PDE6C: variants seen among roughly 807,000 people sequenced by gnomAD.
PDE6C encodes phosphodiesterase 6C.
In PDE6C, 75 loss-of-function variants were observed where a neutral mutation model predicts 113.1. The observed-to-expected ratio is 0.66, with a 90% CI of 0.55 to 0.80. The LOEUF (loss-of-function observed/expected upper bound fraction) is 0.80. Ranked by LOEUF, PDE6C falls within the 30% of genes least tolerant of loss-of-function variation. PDE6C has a pLI of 0.00. For missense variants in PDE6C, 912 were observed against 1,038.6 expected (o/e 0.88, Z 1.67); for synonymous variants, 375 against 363.7 (o/e 1.03, Z -0.35).
intron 4 of PDE6C, among the ~76,000 whole-genome samples, chr10:93,624,237 A>AT (rs556962087): frequency 6.6e-6 from 1 of 151,810 alleles, no homozygotes; most frequent in African/African-American, 2.4e-5. Flanking sequence ...TTATTTATAT[A>AT]TTTTTTCTTT....
Position 93,640,561 on chromosome 10 carries a change from G to T in PDE6C, c.1737+4G>T, listed in dbSNP as rs1259302392. 1.3e-6 allele frequency: 2 copies of T among 1,577,850 alleles called. No homozygotes were observed. Among genetic ancestry groups the T allele is most frequent in the Non-Finnish European group, 1.7e-6 (2 of 1,147,122 alleles). On this transcript the variant is annotated splice_donor_region_variant and intron_variant, in intron 13 of 21. Coordinates refer to ENST00000371447, the MANE Select transcript of PDE6C (RefSeq NM_006204.4). ...GACCATGTTTACTTTGCTGATGGTA[G>T]GTACAGAGGGCTGTAAATCCTTGTA...
At chr10:93,662,790 A>C (rs1399162831) in intron 20 of PDE6C, 147 bp downstream of exon 20, 2 of 672,828 alleles carry the variant, frequency 3.0e-6, no homozygotes, top group Non-Finnish European at 5.4e-6. Flanking sequence ...TTTTACCCTA[A>C]TCTCATTCAG....
At position 93,658,993 on chromosome 10, in the gene PDE6C, A is replaced by G; in HGVS notation, c.2129A>G (p.Lys710Arg). 1 of 1,605,976 alleles carries G rather than the reference A, an allele frequency of 6.2e-7. No homozygotes were observed. The highest frequency in any genetic ancestry group is 2.2e-5 in the East Asian group (1 of 44,756). Residue 710 changes from lysine to arginine, a missense_variant, in exon 17 of 22, where the codon AAG (lysine) becomes AGG (arginine). By Grantham distance (26) the Lys-to-Arg change is conservative (BLOSUM62 2). Transcript: ENST00000371447. Reference protein sequence around the residue: ...AIKYVTVDPTKKEIIMAMMMT... With the variant: ...AIKYVTVDPTRKEIIMAMMMT... ...AAATATGTAACTGTTGATCCAACCA[A>G]GAAAGAGATTATCATGTAGGTAGTT...
chr10:93,650,576 A>G (rs894194006), intron 15 of PDE6C, among the ~76,000 whole-genome samples: 3 of 152,212 alleles, frequency 2.0e-5, no homozygotes, highest in African/African-American at 7.2e-5. Flanking sequence ...GCTAAGTAGA[A>G]TCCCTTTATC....
chr10:93,657,155 T>C lies in PDE6C; in HGVS notation c.2036+1295T>C, dbSNP rs547299491. ...TATATGGTATTGTTGTGTGTTGTTTTTTTTGTTTGGTTTCTTGGTTTTTTT... is the reference window on the plus strand; with the variant it reads ...TATATGGTATTGTTGTGTGTTGTTTCTTTTGTTTGGTTTCTTGGTTTTTTT... On this transcript the variant is annotated intron_variant, in intron 16 of 21. Transcript: ENST00000371447. Among the ~76,000 whole-genome samples the C allele has an allele frequency of 2.0e-5, 3 of 151,838 alleles. No homozygotes were observed. In the East Asian group the frequency reaches 5.9e-4, roughly 30 times the overall value.
intron 18 of PDE6C, among the ~76,000 whole-genome samples, chr10:93,661,401 T>C (rs888951083): frequency 2.6e-5 from 4 of 152,222 alleles, no homozygotes; most frequent in Non-Finnish European, 5.9e-5. Context: ...CCTTCCTTCA[T>C]GAAACTTATC....
At position 93,626,704 on chromosome 10, in the gene PDE6C, C is replaced by A. The variant is rs777483878; in HGVS notation, c.1004C>A (p.Pro335Gln). ...GGAAAAGAAGAGATCAAAGTGATTC[C>A]GTGAGTATTGGCAGGAAGTTGCTGC... ...LHGKEEIKVI[P>Q]TPPADHWTLI... The change falls in exon 6 of 22, where the codon CCG (proline) becomes CAG (glutamine). Residue 335 changes from proline (P) to glutamine (Q), a missense_variant and splice_region_variant. Physicochemically the swap from Pro to Gln is moderately conservative, Grantham distance 76. Coordinates refer to ENST00000371447, the MANE Select transcript of PDE6C (RefSeq NM_006204.4). 12 of 1,605,578 alleles carry A rather than the reference C, an allele frequency of 7.5e-6. No individual in the cohort carries two copies. The African/African-American group carries it at 1.5e-4, about 20-fold the overall frequency.
intron 18 of PDE6C, among the ~76,000 whole-genome samples, chr10:93,660,822 T>TCTGA (rs2058662718): frequency 6.6e-6 from 1 of 152,062 alleles, no homozygotes; most frequent in South Asian, 2.1e-4. Context: ...GTACCTCAGT[T>TCTGA]CTGACTTTTA....
At position 93,612,998 on chromosome 10, in the gene PDE6C, C is replaced by T. The variant is rs1331462198; in HGVS notation, c.273C>T (p.Leu91=). ...CCCTGCAGAGGCTGGCCCACCTGCT[C>T]CAGGCTGACCGCTGCAGCATGTTCC... ...HRALQRLAHL[L]QADRCSMFLC... The change falls in exon 1 of 22, where the codon CTC becomes CTT. Residue 91 remains leucine (L), a synonymous_variant. Coordinates refer to ENST00000371447, the MANE Select transcript of PDE6C (RefSeq NM_006204.4). 2.5e-6 allele frequency: 4 copies of T among 1,614,110 alleles called. No individual in the cohort carries two copies. The African/African-American group carries it at 4.0e-5, about 16-fold the overall frequency.
chr10:93,648,340 G>A (rs1000172239), intron 15 of PDE6C, among the ~76,000 whole-genome samples: 1 of 152,044 alleles, frequency 6.6e-6, no homozygotes, highest in East Asian at 1.9e-4. Flanking sequence ...TTAAAGCCTT[G>A]TCAATAGAGT....
intron 8 of PDE6C, among the ~76,000 whole-genome samples, chr10:93,630,446 C>T (rs998062226): frequency 2.0e-5 from 3 of 151,520 alleles, no homozygotes; most frequent in Non-Finnish European, 4.4e-5. Context: ...GCCCATCCCT[C>T]CTCACCTGTC....
chr10:93,635,775 G>A, intron 10 of PDE6C, 135 bp downstream of exon 10: 2 of 947,668 alleles, frequency 2.1e-6, no homozygotes, highest in East Asian at 5.2e-5. Flanking sequence ...GGGAAGGAGG[G>A]GTTGGAAGAA....
Position 93,641,129 on chromosome 10 carries a change from C to A in PDE6C, c.1847+100C>A, listed in dbSNP as rs1589700066. On this transcript the variant is annotated intron_variant, in intron 14 of 21. Transcript: ENST00000371447. Reference sequence around the variant, plus strand: ...TCCCTATTCCTTGGCCCAGTCAATGCCTCTTTGCCATGTTGGAAATTCCAG... The same window carrying A: ...TCCCTATTCCTTGGCCCAGTCAATGACTCTTTGCCATGTTGGAAATTCCAG... 3 of 737,728 alleles carry A rather than the reference C, an allele frequency of 4.1e-6. No individual in the cohort carries two copies. In the East Asian group the frequency reaches 7.8e-5, roughly 19 times the overall value. 45.7% of individuals were successfully genotyped at this position (737,728 alleles called of 1,614,324 possible).
intron 13 of PDE6C, 145 bp downstream of exon 13, chr10:93,640,702 T>A: frequency 1.3e-6 from 1 of 746,000 alleles, no homozygotes. Context: ...AGTCCCAGTA[T>A]CCTTGAGCAC....
At chr10:93,659,816 A>G (rs1290148341) in intron 18 of PDE6C, among the ~76,000 whole-genome samples, 3 of 152,310 alleles carry the variant, frequency 2.0e-5, no homozygotes, top group East Asian at 1.9e-4. Context: ...CAATGAGGTA[A>G]GTCAGAACAA....
Position 93,620,774 on chromosome 10 carries a change from A to G in PDE6C, c.623A>G (p.Gln208Arg), listed in dbSNP as rs886047481. The change falls in exon 2 of 22, where the codon CAG (glutamine) becomes CGG (arginine). Residue 208 changes from glutamine to arginine, a missense_variant. By Grantham distance (43) the Gln-to-Arg change is conservative. Transcript: ENST00000371447. ...GTAAATGCATCTGAATTTTCCAAAC[A>G]GGATGAAGAGGTAATGCTAACCCTG... ...NKVNASEFSK[Q>R]DEEVFSKYLN... The G allele has an allele frequency of 6.2e-7, 1 of 1,614,200 alleles. No individual in the cohort carries two copies.
At chr10:93,619,122 A>T (rs1439623249) in intron 1 of PDE6C, among the ~76,000 whole-genome samples, 11 of 152,150 alleles carry the variant, frequency 7.2e-5, no homozygotes, top group Admixed American at 7.2e-4. Flanking sequence ...CTGAAATGAT[A>T]ACTAATAAGA....
intron 21 of PDE6C, among the ~76,000 whole-genome samples, chr10:93,664,420 C>CGAA (rs1489710446): frequency 1.3e-5 from 2 of 152,214 alleles, no homozygotes; most frequent in East Asian, 3.9e-4. Context: ...GTAAAGAGTG[C>CGAA]GAAGTACATA....
intron 15 of PDE6C, among the ~76,000 whole-genome samples, chr10:93,646,631 C>T (rs2058585742): frequency 6.6e-6 from 1 of 151,930 alleles, no homozygotes; most frequent in Non-Finnish European, 1.5e-5. Flanking sequence ...GGGGAGCGAG[C>T]ACTTCATATG....
Sources: allele counts gnomAD v4.1 joint callset (sites outside exome capture counted in the v4.1 genomes callset), GRCh38; gene constraint gnomAD v4.1.1; transcripts MANE v1.5; gene names NCBI Gene and HGNC (gene_info 2026-07-23, HGNC 2026-07-21).